NAALADL2: variants seen among roughly 807,000 people sequenced by gnomAD.
NAALADL2 encodes N-acetylated alpha-linked acidic dipeptidase like 2.
A neutral mutation model predicts 87.2 loss-of-function variants in NAALADL2; 76 were observed. The ratio of observed to expected loss-of-function variants is 0.87; its 90% CI spans 0.72 to 1.05. The LOEUF is 1.05. Among genes scored for constraint, NAALADL2 ranks in the 50% least tolerant of loss-of-function variants. The pLI is 0.00. For missense variants in NAALADL2, 1,089 were observed against 945.8 expected (o/e 1.15, Z -1.99); for synonymous variants, 354 against 331.0 (o/e 1.07, Z -0.75).
At chr3:175,183,148 A>G (rs944260511) in intron 2 of NAALADL2, among the ~76,000 whole-genome samples, 7 of 152,128 alleles carry the variant, frequency 4.6e-5, no homozygotes, top group Admixed American at 3.3e-4. Context: ...ACATTTTAAC[A>G]TTATCATTTC....
At chr3:175,029,651 T>G (rs1752600201) in intron 1 of NAALADL2, among the ~76,000 whole-genome samples, 1 of 152,074 alleles carries the variant, frequency 6.6e-6, no homozygotes, top group Non-Finnish European at 1.5e-5. Flanking sequence ...TTTAATATGA[T>G]TATATTGAAA....
chr3:174,520,645 G>C (rs1034151284), intron 1 of NAALADL2, among the ~76,000 whole-genome samples: 1 of 152,058 alleles, frequency 6.6e-6, no homozygotes, highest in Non-Finnish European at 1.5e-5. Flanking sequence ...CACTGGCCTA[G>C]GCAAAGAATT....
intron 2 of NAALADL2, among the ~76,000 whole-genome samples, chr3:174,679,825 G>A (rs191716760): frequency 6.6e-6 from 1 of 152,032 alleles, no homozygotes; most frequent in African/African-American, 2.4e-5. Context: ...TTGTATTCCT[G>A]CTTATGATTA....
chr3:175,272,844 T>C (rs1280616548), intron 4 of NAALADL2, among the ~76,000 whole-genome samples: 2 of 152,124 alleles, frequency 1.3e-5, no homozygotes, highest in African/African-American at 4.8e-5. Flanking sequence ...AGGAACCTGA[T>C]ATTTTACTTT....
chr3:175,583,324 T>C (rs7644187), intron 10 of NAALADL2, among the ~76,000 whole-genome samples: 17,108 of 152,236 alleles, frequency 0.11, 1,235 homozygotes, highest in Middle Eastern at 0.17. Context: ...GGAAAAATTG[T>C]GAAGTCAAAC....
intron 2 of NAALADL2, among the ~76,000 whole-genome samples, chr3:174,572,907 AGGTAAT>A (rs1472697242): frequency 6.6e-6 from 1 of 152,196 alleles, no homozygotes; most frequent in Non-Finnish European, 1.5e-5. Context: ...TCTATGAGGT[AGGTAAT>A]GGTATGATCC....
At chr3:175,460,567 A>G (rs1722960146) in intron 6 of NAALADL2, among the ~76,000 whole-genome samples, 1 of 152,224 alleles carries the variant, frequency 6.6e-6, no homozygotes, top group African/African-American at 2.4e-5. Flanking sequence ...AAAGCAGAAT[A>G]AAATAATTTG....
chr3:175,683,189 A>G (rs1470854290), intron 11 of NAALADL2, among the ~76,000 whole-genome samples: 1 of 152,054 alleles, frequency 6.6e-6, no homozygotes, highest in Non-Finnish European at 1.5e-5. Context: ...TTAATAATTT[A>G]TCAGAAATTC....
intron 2 of NAALADL2, among the ~76,000 whole-genome samples, chr3:174,666,718 C>T (rs900681436): frequency 3.3e-5 from 5 of 152,028 alleles, no homozygotes; most frequent in Non-Finnish European, 5.9e-5. Flanking sequence ...ATAAAATTTA[C>T]CATCTTTAAG....
At chr3:175,307,191 A>C (rs1235648643) in intron 4 of NAALADL2, among the ~76,000 whole-genome samples, 2 of 152,176 alleles carry the variant, frequency 1.3e-5, no homozygotes, top group Non-Finnish European at 2.9e-5. Context: ...TTAAAAAAAT[A>C]TACAAATAAG....
chr3:175,107,717 T>C (rs1723448662), intron 2 of NAALADL2, among the ~76,000 whole-genome samples: 1 of 151,930 alleles, frequency 6.6e-6, no homozygotes, highest in African/African-American at 2.4e-5. Flanking sequence ...TTTTTAGAAA[T>C]TACCAATGTT....
intron 4 of NAALADL2, among the ~76,000 whole-genome samples, chr3:175,313,166 A>AT (rs1758601806): frequency 6.6e-6 from 1 of 152,050 alleles, no homozygotes; most frequent in South Asian, 2.1e-4. Flanking sequence ...CCTGAGTCAT[A>AT]TTGCATTAGG....
intron 3 of NAALADL2, among the ~76,000 whole-genome samples, chr3:175,240,718 C>T (rs915588136): frequency 1.3e-5 from 2 of 152,170 alleles, no homozygotes; most frequent in Admixed American, 6.5e-5. Context: ...TGCAATGGCA[C>T]GATCTCAACT....
chr3:175,338,993 C>A (rs56378311), intron 5 of NAALADL2, among the ~76,000 whole-genome samples: 1,706 of 152,278 alleles, frequency 0.011, 31 homozygotes, highest in African/African-American at 0.039. Context: ...AGAAACAGGG[C>A]AGGAGGAGTT....
At chr3:175,003,163 C>G (rs1748472602) in intron 1 of NAALADL2, among the ~76,000 whole-genome samples, 2 of 152,164 alleles carry the variant, frequency 1.3e-5, no homozygotes, top group Admixed American at 1.3e-4. Flanking sequence ...ATGCCATGTA[C>G]TTTCCTCCAA....
intron 6 of NAALADL2, among the ~76,000 whole-genome samples, chr3:175,455,356 C>T (rs1722175060): frequency 6.6e-6 from 1 of 151,894 alleles, no homozygotes; most frequent in African/African-American, 2.4e-5. Context: ...AAATATGCAG[C>T]AAAGATAGTG....
At chr3:174,898,112 C>CAAAAAAAAAAAAAAAA (rs913382744) in intron 1 of NAALADL2, among the ~76,000 whole-genome samples, 12 of 14,496 alleles carry the variant, frequency 8.3e-4, no homozygotes, top group Admixed American at 1.4e-3. Context: ...GACTCCGTCT[C>CAAAAAAAAAAAAAAAA]AAAAAAAAAA....
At chr3:175,201,920 T>C (rs374138980) in intron 2 of NAALADL2, among the ~76,000 whole-genome samples, 52 of 152,320 alleles carry the variant, frequency 3.4e-4, no homozygotes, top group African/African-American at 1.3e-3. Flanking sequence ...TAAGAAAGAA[T>C]ACACTTGATT....
intron 2 of NAALADL2, among the ~76,000 whole-genome samples, chr3:174,696,602 A>G (rs775186): frequency 8.7e-5 from 9 of 102,880 alleles, no homozygotes; most frequent in Admixed American, 1.0e-4. Flanking sequence ...CTAAAAAAAA[A>G]AAAAAAAAAA....
Sources: allele counts gnomAD v4.1 joint callset (sites outside exome capture counted in the v4.1 genomes callset), GRCh38; gene constraint gnomAD v4.1.1; transcripts MANE v1.5; gene names NCBI Gene and HGNC (gene_info 2026-07-23, HGNC 2026-07-21).